ATP9A: variants seen among roughly 807,000 people sequenced by gnomAD.
ATP9A encodes probable phospholipid-transporting ATPase IIA.
ATP9A carries 52 observed loss-of-function variants against 144.1 expected under a neutral mutation model. The ratio of observed to expected loss-of-function variants is 0.36; its 90% CI spans 0.29 to 0.45. ATP9A has a LOEUF of 0.45. Ranked by LOEUF, ATP9A falls within the 20% of genes least tolerant of loss-of-function variation. The probability of loss-of-function intolerance (pLI) is 1.00; values close to 1 mark genes in which losing one functional copy is unlikely to be tolerated. For missense variants in ATP9A, 947 were observed against 1,392.7 expected, an observed-to-expected ratio of 0.68 and a Z score of 5.09; for synonymous variants, 582 against 557.4, an observed-to-expected ratio of 1.04 and a Z score of -0.62.
At chr20:51,738,054 A>G (rs1484709638) in intron 1 of ATP9A, among the ~76,000 whole-genome samples, 1 of 148,236 alleles carries the variant, frequency 6.7e-6, no homozygotes, top group Non-Finnish European at 1.5e-5. Flanking sequence ...TTTGAGACAG[A>G]GTCTCTCTCT....
At chr20:51,661,247 T>G (rs1358967700) in intron 13 of ATP9A, among the ~76,000 whole-genome samples, 8 of 152,182 alleles carry the variant, frequency 5.3e-5, no homozygotes, top group Non-Finnish European at 1.5e-5. Flanking sequence ...AATACAAAAA[T>G]TAAACGTTGA....
intron 3 of ATP9A, among the ~76,000 whole-genome samples, chr20:51,723,797 C>T (rs1310960771): frequency 3.9e-5 from 6 of 151,952 alleles, no homozygotes; most frequent in African/African-American, 1.2e-4. Flanking sequence ...CCTCTTGATC[C>T]GCCCATCTCA....
chr20:51,674,743 A>G (rs1392524074), intron 10 of ATP9A, among the ~76,000 whole-genome samples: 2 of 152,102 alleles, frequency 1.3e-5, no homozygotes, highest in African/African-American at 4.8e-5. Flanking sequence ...ACCCAACACC[A>G]ACTCGGCAGT....
intron 1 of ATP9A, among the ~76,000 whole-genome samples, chr20:51,767,974 A>G (rs555831464): frequency 3.3e-4 from 51 of 152,342 alleles, no homozygotes; most frequent in Admixed American, 6.5e-4. Context: ...GGAACAATAA[A>G]ACGGTGAGAA....
intron 13 of ATP9A, among the ~76,000 whole-genome samples, chr20:51,662,508 G>A (rs6063693): frequency 0.2 from 29,975 of 149,952 alleles, 3,262 homozygotes; most frequent in South Asian, 0.37. Flanking sequence ...TCACGCCACT[G>A]CACTCCAGCC....
At chr20:51,695,086 A>G (rs1473612617) in intron 6 of ATP9A, among the ~76,000 whole-genome samples, 1 of 146,732 alleles carries the variant, frequency 6.8e-6, no homozygotes, top group Non-Finnish European at 1.5e-5. Flanking sequence ...GCATCCTCAA[A>G]GGAATACGAA....
intron 4 of ATP9A, among the ~76,000 whole-genome samples, chr20:51,702,365 C>CGTATGT (rs1555838516): frequency 3.1e-5 from 4 of 130,220 alleles, no homozygotes; most frequent in African/African-American, 5.6e-5. Context: ...TGTGTGTGTT[C>CGTATGT]GTGTGTGTGT....
At chr20:51,654,567 T>G (rs1317265615) in intron 14 of ATP9A, among the ~76,000 whole-genome samples, 1 of 151,584 alleles carries the variant, frequency 6.6e-6, no homozygotes, top group Non-Finnish European at 1.5e-5. Context: ...ATGAGCCTTA[T>G]GCTCATTTAA....
At chr20:51,610,697 A>C (rs1486975048) in intron 23 of ATP9A, among the ~76,000 whole-genome samples, 7 of 152,030 alleles carry the variant, frequency 4.6e-5, no homozygotes, top group Non-Finnish European at 1.0e-4. Flanking sequence ...CGGAATCCTC[A>C]CCTCTGTAGG....
intron 3 of ATP9A, among the ~76,000 whole-genome samples, chr20:51,725,346 T>G (rs2077707693): frequency 1.3e-5 from 2 of 152,090 alleles, no homozygotes; most frequent in Admixed American, 1.3e-4. Context: ...GGTCTCAAAC[T>G]CCTGGCCTCA....
chr20:51,643,189 C>T (rs562403555), intron 14 of ATP9A, among the ~76,000 whole-genome samples: 10 of 152,320 alleles, frequency 6.6e-5, no homozygotes, highest in Non-Finnish European at 1.0e-4. Flanking sequence ...TCAGCCAGCA[C>T]TAACGAGCTT....
intron 1 of ATP9A, among the ~76,000 whole-genome samples, chr20:51,751,015 C>T (rs935654421): frequency 5.9e-5 from 9 of 152,076 alleles, no homozygotes; most frequent in Admixed American, 5.9e-4. Context: ...GGAGGCTGGA[C>T]GTGGCTCCTT....
Position 51,725,838 on chromosome 20 carries a change from T to A in ATP9A, c.308A>T (p.Tyr103Phe). The change falls in exon 3 of 28, where the codon TAT (tyrosine) becomes TTT (phenylalanine). Residue 103 changes from tyrosine (Y) to phenylalanine (F), a missense_variant. This residue lies in a region of ATP9A where 770 missense variants were observed against 1,047.9 expected (regional missense o/e 0.73). Coordinates refer to ENST00000338821, the MANE Select transcript of ATP9A (RefSeq NM_006045.3). ...ACTTACCAGGGGAACCCAGTAGGTA[T>A]AGAGTGCACCAAGTCTCATTTCGGG... is the stretch of plus-strand genomic sequence containing the variant. Reference protein sequence around the residue: ...FVPEMRLGALYTYWVPLGFVL... With the variant: ...FVPEMRLGALFTYWVPLGFVL... The A allele has an allele frequency of 6.2e-7, 1 of 1,607,972 alleles. No homozygotes were observed. The highest frequency in any genetic ancestry group is 8.5e-7 in the Non-Finnish European group (1 of 1,174,450).
At chr20:51,663,052 A>G (rs2077417490) in intron 13 of ATP9A, among the ~76,000 whole-genome samples, 1 of 152,168 alleles carries the variant, frequency 6.6e-6, no homozygotes, top group Non-Finnish European at 1.5e-5. Flanking sequence ...CCTGGGCAAC[A>G]AGATCGAAAA....
intron 15 of ATP9A, 107 bp downstream of exon 15, chr20:51,639,236 G>T: frequency 8.2e-7 from 1 of 1,225,370 alleles, no homozygotes; most frequent in Non-Finnish European, 1.1e-6. Flanking sequence ...TAGTCTGGGT[G>T]ACAGATACCA....
chr20:51,652,074 T>G (rs1477761550), intron 14 of ATP9A, among the ~76,000 whole-genome samples: 3 of 152,162 alleles, frequency 2.0e-5, no homozygotes, highest in African/African-American at 7.2e-5. Flanking sequence ...AGTTGCATTA[T>G]CACCAAGGCC....
At chr20:51,607,397 G>A in intron 26 of ATP9A, 130 bp downstream of exon 26, 1 of 768,864 alleles carries the variant, frequency 1.3e-6, no homozygotes, top group Non-Finnish European at 2.2e-6. Context: ...GGTCTCCCCT[G>A]GGTCCCACTG....
intron 7 of ATP9A, among the ~76,000 whole-genome samples, chr20:51,693,672 G>C (rs2077558200): frequency 6.6e-6 from 1 of 152,154 alleles, no homozygotes; most frequent in Non-Finnish European, 1.5e-5. Flanking sequence ...TGAGGAGCGG[G>C]GACTACAGGT....
chr20:51,654,633 G>A (rs1256060613), intron 14 of ATP9A, among the ~76,000 whole-genome samples: 1 of 152,156 alleles, frequency 6.6e-6, no homozygotes, highest in Non-Finnish European at 1.5e-5. Flanking sequence ...GCTGAGGTGG[G>A]AGGATGGCTC....
Sources: allele counts gnomAD v4.1 joint callset (sites outside exome capture counted in the v4.1 genomes callset), GRCh38; gene constraint gnomAD v4.1.1; regional missense constraint gnomAD v4.1.1; transcripts MANE v1.5; gene names NCBI Gene and HGNC (gene_info 2026-07-23, HGNC 2026-07-21).